The following STYXL2 variants were observed in gnomAD, a reference collection of about 807,000 sequenced individuals.
STYXL2 encodes serine/threonine/tyrosine-interacting-like protein 2.
In STYXL2, 44 loss-of-function variants were observed where a neutral mutation model predicts 52.4. The ratio of observed to expected loss-of-function variants is 0.84; its 90% CI spans 0.66 to 1.08. The LOEUF is 1.08. STYXL2 is among the 50% of genes least tolerant of loss of function. The probability of loss-of-function intolerance (pLI) is 0.00; values close to 1 mark genes in which losing one functional copy is unlikely to be tolerated. For missense variants in STYXL2, 1,604 were observed against 1,471.7 expected (o/e 1.09, Z -1.47); for synonymous variants, 604 against 586.9 (o/e 1.03, Z -0.42).
Position 167,126,608 on chromosome 1 carries a change from C to A in STYXL2, c.1477C>A (p.Arg493=). Residue 493 remains arginine (R), a synonymous_variant, in exon 6 of 6, where the codon CGG becomes AGG. Coordinates refer to ENST00000361200, the MANE Select transcript of STYXL2 (RefSeq NM_001080426.3). ...RLLEIEKEAS[R]RYHAKSKREE... ...GCTGGAGATTGAGAAGGAGGCTTCC[C>A]GGAGGTACCACGCCAAGAGCAAGAG... The A allele has an allele frequency of 6.2e-7, 1 of 1,613,952 alleles. No homozygotes were observed.
At position 167,127,827 on chromosome 1, in the gene STYXL2, C is replaced by T. The variant is rs1668008857; in HGVS notation, c.2696C>T (p.Ser899Phe). Residue 899 changes from serine to phenylalanine, a missense_variant, in exon 6 of 6, where the codon TCT becomes TTT. Ser to Phe is a radical substitution (Grantham distance 155). Transcript: ENST00000361200. ...TDSAIGSFRY[S>F]SRSNSQKPET... ...AGTGCCATAGGGAGCTTCCGATATTCTTCCCGCAGTAATTCCCAGAAACCT... is the reference window on the plus strand; with the variant it reads ...AGTGCCATAGGGAGCTTCCGATATTTTTCCCGCAGTAATTCCCAGAAACCT... 6.2e-7 allele frequency: 1 copy of T among 1,613,766 alleles called. No homozygotes were observed. Among genetic ancestry groups the T allele is most frequent in the East Asian group, 2.2e-5 (1 of 44,882 alleles).
At chr1:167,113,548 C>A (rs1228535571) in intron 2 of STYXL2, among the ~76,000 whole-genome samples, 162 bp from the exon 3 acceptor site, 4 of 152,194 alleles carry the variant, frequency 2.6e-5, no homozygotes, top group African/African-American at 9.7e-5. Flanking sequence ...ACATGATACC[C>A]AGTGTTCTGT....
At chr1:167,110,751 C>A (rs1005861533) in intron 2 of STYXL2, among the ~76,000 whole-genome samples, 1 of 152,166 alleles carries the variant, frequency 6.6e-6, no homozygotes, top group Non-Finnish European at 1.5e-5. Flanking sequence ...TCACCGGTAC[C>A]TTTAACGGAG....
At position 167,126,255 on chromosome 1, in the gene STYXL2, C is replaced by A; in HGVS notation, c.1124C>A (p.Ala375Asp). The change falls in exon 6 of 6, where the codon GCC becomes GAC. Residue 375 changes from alanine to aspartate, a missense_variant. Transcript: ENST00000361200. ...VPQDGGGWRSASSGQGGEELE... is the reference protein window; with the variant it reads ...VPQDGGGWRSDSSGQGGEELE... ...CAGGATGGAGGTGGCTGGCGCTCAG[C>A]CTCCTCTGGCCAGGGTGGGGAGGAG... is the stretch of plus-strand genomic sequence containing the variant. 1.3e-6 allele frequency: 2 copies of A among 1,540,558 alleles called. No individual in the cohort carries two copies. The highest frequency in any genetic ancestry group is 1.7e-6 in the Non-Finnish European group (2 of 1,146,710).
In STYXL2 at chr1:167,126,592, TGAG is replaced by T; in HGVS notation, c.1462_1464del (p.Glu488del). 6.2e-7 allele frequency: 1 copy of T among 1,613,804 alleles called. No homozygotes were observed. Among genetic ancestry groups the T allele is most frequent in the Non-Finnish European group, 8.5e-7 (1 of 1,179,952 alleles). On this transcript the variant is annotated inframe_deletion, in exon 6 of 6. Coordinates refer to ENST00000361200, the MANE Select transcript of STYXL2 (RefSeq NM_001080426.3). ...CATGGAACGAGAGGCTGCTGGAGATTGAGAAGGAGGCTTCCCGGAGGTACCACG... is the reference window on the plus strand; with the variant it reads ...CATGGAACGAGAGGCTGCTGGAGATTAAGGAGGCTTCCCGGAGGTACCACG...
Position 167,126,861 on chromosome 1 carries a change from G to T in STYXL2, c.1730G>T (p.Gly577Val), listed in dbSNP as rs896852713. 1.2e-6 allele frequency: 2 copies of T among 1,614,028 alleles called. No individual in the cohort carries two copies. The highest frequency in any genetic ancestry group is 1.7e-6 in the Non-Finnish European group (2 of 1,179,938). The change falls in exon 6 of 6, where the codon GGG (glycine) becomes GTG (valine). Residue 577 changes from glycine to valine, a missense_variant. By Grantham distance (109) the Gly-to-Val change is moderately radical. Transcript: ENST00000361200. ...SGEPGAEEAV[G>V]EKNPSDVSLT... ...GAGCCCGGTGCAGAGGAGGCAGTAG[G>T]GGAGAAGAACCCCTCCGACGTCAGC... is the stretch of plus-strand genomic sequence containing the variant.
In STYXL2 at chr1:167,125,862, A is replaced by G; in HGVS notation, c.731A>G (p.His244Arg). ...GTGGTCGCCTACCTGATGATCTTCC[A>G]CAACATGGCCATCCTGGAGGCTTTG... ...VLVVAYLMIF[H>R]NMAILEALMT... Residue 244 changes from histidine to arginine, a missense_variant, in exon 6 of 6, where the codon CAC becomes CGC. Transcript: ENST00000361200. The G allele has an allele frequency of 1.9e-6, 3 of 1,614,008 alleles. No individual in the cohort carries two copies. Among genetic ancestry groups the G allele is most frequent in the Non-Finnish European group, 2.5e-6 (3 of 1,179,948 alleles).
chr1:167,107,748 C>T (rs1346417024), intron 2 of STYXL2, among the ~76,000 whole-genome samples: 1 of 152,050 alleles, frequency 6.6e-6, no homozygotes, highest in Non-Finnish European at 1.5e-5. Context: ...ATGGTCCTTG[C>T]CTTCATAGAG....
At chr1:167,124,151 T>C (rs1667914841) in intron 5 of STYXL2, among the ~76,000 whole-genome samples, 1 of 151,474 alleles carries the variant, frequency 6.6e-6, no homozygotes, top group Non-Finnish European at 1.5e-5. Flanking sequence ...CCTCAAGCGA[T>C]CCTCTAACTT....
At chr1:167,095,377 A>G (rs1667263096) in intron 2 of STYXL2, among the ~76,000 whole-genome samples, 1 of 151,698 alleles carries the variant, frequency 6.6e-6, no homozygotes, top group Non-Finnish European at 1.5e-5. Context: ...TGAGGAGAGG[A>G]GAAGCCCATG....
chr1:167,128,789 G>C lies in STYXL2; in HGVS notation c.*181G>C, dbSNP rs1256030146. On this transcript the variant is annotated 3_prime_UTR_variant, in exon 6 of 6. Coordinates refer to ENST00000361200, the MANE Select transcript of STYXL2 (RefSeq NM_001080426.3). Reference sequence around the variant, plus strand: ...GGTGGAGTAGGGAGGAGGCAAGGAGGGGGAGAACCATCAATACGAATACGA... The same window carrying C: ...GGTGGAGTAGGGAGGAGGCAAGGAGCGGGAGAACCATCAATACGAATACGA... The C allele has an allele frequency of 1.0e-6, 1 of 988,194 alleles. No homozygotes were observed. Among genetic ancestry groups the C allele is most frequent in the African/African-American group, 1.7e-5 (1 of 59,724 alleles). 61.2% of individuals were successfully genotyped at this position (988,194 alleles called of 1,614,324 possible).
Position 167,123,363 on chromosome 1 carries a change from C to T in STYXL2, c.656-2424C>T, listed in dbSNP as rs1004501407. ...TGTGGCACCCCAACCTGGTCTCCGC[C>T]AGACTGAGTCTAAGTAGTATTTGAT... On this transcript the variant is annotated intron_variant, in intron 5 of 5. Coordinates refer to ENST00000361200, the MANE Select transcript of STYXL2 (RefSeq NM_001080426.3). Among the ~76,000 whole-genome samples the T allele has an allele frequency of 4.6e-5, 7 of 152,204 alleles. No individual in the cohort carries two copies. The East Asian group carries it at 1.3e-3, about 29-fold the overall frequency.
Position 167,127,199 on chromosome 1 carries a change from C to T in STYXL2, c.2068C>T (p.Gln690Ter), listed in dbSNP as rs759858923. Reference protein sequence around the residue: ...STQSHRSHLSQAASNIAGCST... With the variant: ...STQSHRSHLS ...CCAGAGCCACCGCTCCCACCTGTCT[C>T]AGGCTGCAAGCAACATAGCGGGGTG... The change falls in exon 6 of 6, where the codon CAG becomes TAG. Residue 690 changes from glutamine (Q) to a stop codon, truncating the protein, a stop_gained. Coordinates refer to ENST00000361200, the MANE Select transcript of STYXL2 (RefSeq NM_001080426.3). LOFTEE classifies it low-confidence loss of function (END_TRUNC). The T allele has an allele frequency of 3.1e-6, 5 of 1,614,056 alleles. No individual in the cohort carries two copies. The highest frequency in any genetic ancestry group is 3.4e-6 in the Non-Finnish European group (4 of 1,180,002).
chr1:167,114,716 C>A (rs1667689777), intron 3 of STYXL2, among the ~76,000 whole-genome samples: 1 of 152,108 alleles, frequency 6.6e-6, no homozygotes, highest in African/African-American at 2.4e-5. Flanking sequence ...TCTGGGCACT[C>A]TAGGAGGCCC....
chr1:167,126,790 A>T lies in STYXL2; in HGVS notation c.1659A>T (p.Gln553His), dbSNP rs1447572087. ...AAAGATGGAAGATCAAGAGAATCCA[A>T]TTTGGATTTCACAAGAAAGACTTGG... is the stretch of plus-strand genomic sequence containing the variant. ...ALERWKIKRI[Q>H]FGFHKKDLGA... Residue 553 changes from glutamine (Q) to histidine (H), a missense_variant, in exon 6 of 6, where the codon CAA (glutamine) becomes CAT (histidine). Gln to His is a conservative substitution (Grantham distance 24). Transcript: ENST00000361200. 6.2e-7 allele frequency: 1 copy of T among 1,614,218 alleles called. No homozygotes were observed. The highest frequency in any genetic ancestry group is 1.1e-5 in the South Asian group (1 of 91,088).
Position 167,127,104 on chromosome 1 carries a change from C to G in STYXL2, c.1973C>G (p.Pro658Arg), listed in dbSNP as rs770607161. The G allele has an allele frequency of 3.1e-6, 5 of 1,613,798 alleles. No homozygotes were observed. Among genetic ancestry groups the G allele is most frequent in the African/African-American group, 2.7e-5 (2 of 74,908 alleles). The change falls in exon 6 of 6, where the codon CCC becomes CGC. Residue 658 changes from proline (P) to arginine (R), a missense_variant. Transcript: ENST00000361200. ...ADSSTASGSIPLSAFWSADPS... is the reference protein window; with the variant it reads ...ADSSTASGSIRLSAFWSADPS... ...AGCTCCACGGCCAGCGGGAGCATTC[C>G]CCTGTCTGCGTTCTGGTCTGCAGAC... is the stretch of plus-strand genomic sequence containing the variant.
Position 167,119,273 on chromosome 1 carries a change from G to T in STYXL2, c.462G>T (p.Arg154Ser). Residue 154 changes from arginine to serine, a missense_variant, in exon 5 of 6, where the codon AGG becomes AGT. Coordinates refer to ENST00000361200, the MANE Select transcript of STYXL2 (RefSeq NM_001080426.3). ...GGAGTGTGGCTGTGAACAAGGGGAG[G>T]CTGAAGAGGCTGGGAATCACCCACA... ...AEKSVAVNKGRLKRLGITHIL... is the reference protein window; with the variant it reads ...AEKSVAVNKGSLKRLGITHIL... 1.2e-6 allele frequency: 2 copies of T among 1,614,234 alleles called. No individual in the cohort carries two copies. Among genetic ancestry groups the T allele is most frequent in the Non-Finnish European group, 1.7e-6 (2 of 1,180,044 alleles).
chr1:167,127,497 C>T lies in STYXL2; in HGVS notation c.2366C>T (p.Ala789Val). Residue 789 changes from alanine to valine, a missense_variant, in exon 6 of 6, where the codon GCA (alanine) becomes GTA (valine). Coordinates refer to ENST00000361200, the MANE Select transcript of STYXL2 (RefSeq NM_001080426.3). ...GGCTGCCTGTTGCCTCAGAGCCAGG[C>T]AAGACCCAGCTCTGACATGCAGTCT... ...LGGCLLPQSQ[A>V]RPSSDMQSVL... 6.2e-7 allele frequency: 1 copy of T among 1,614,122 alleles called. No individual in the cohort carries two copies. The highest frequency in any genetic ancestry group is 8.5e-7 in the Non-Finnish European group (1 of 1,180,002).
rs929025850 is a variant in STYXL2 at position 167,111,188 on chromosome 1, G to A, written c.111-2522G>A. ...AAAGTTTGGAAAACTTTTAGATGTG[G>A]GCATGGATGTGGTGCGAAGGGAACA... On this transcript the variant is annotated intron_variant, in intron 2 of 5. Coordinates refer to ENST00000361200, the MANE Select transcript of STYXL2 (RefSeq NM_001080426.3). Among the ~76,000 whole-genome samples the A allele has an allele frequency of 5.9e-5, 9 of 152,002 alleles. No homozygotes were observed. In the East Asian group the frequency reaches 1.7e-3, roughly 29 times the overall value.
Sources: gnomAD v4.1 joint callset for allele counts (sites outside exome capture counted in the v4.1 genomes callset) on GRCh38, gnomAD v4.1.1 for gene constraint, MANE v1.5 for transcripts, NCBI Gene and HGNC (gene_info 2026-07-23, HGNC 2026-07-21) for gene names.